Variants in GPR160 observed in about 807,000 individuals in gnomAD.
GPR160 encodes the protein G protein-coupled receptor 160.
In GPR160, 2 loss-of-function variants were observed where a neutral mutation model predicts 2.6. That is an observed-to-expected ratio of 0.77 (90% CI 0.32 to 2.44). The LOEUF is 2.44. GPR160 is among the 30% of genes most tolerant of loss of function. The pLI is 0.11. For missense variants in GPR160, 351 were observed against 383.6 expected (o/e 0.91, Z 0.71); for synonymous variants, 130 against 132.2 (o/e 0.98, Z 0.12).
chr3:170,059,737 A>G (rs1711835369), intron 2 of GPR160, among the ~76,000 whole-genome samples: 1 of 151,908 alleles, frequency 6.6e-6, no homozygotes, highest in South Asian at 2.1e-4. Context: ...GGTTTGTTAC[A>G]CAGGGAAACG....
At chr3:170,044,898 A>G (rs988546759) in intron 2 of GPR160, among the ~76,000 whole-genome samples, 1 of 152,154 alleles carries the variant, frequency 6.6e-6, no homozygotes, top group Non-Finnish European at 1.5e-5. Context: ...AGGCACCCGC[A>G]TAGTCCAGCC....
intron 2 of GPR160, chr3:170,076,979 C>G (rs573941898): frequency 6.6e-6 from 1 of 152,216 alleles, no homozygotes; most frequent in African/African-American, 2.4e-5. Flanking sequence ...CCAACACTTA[C>G]GAGTCATGGG....
intron 2 of GPR160, among the ~76,000 whole-genome samples, chr3:170,056,158 C>T (rs1361373158): frequency 1.3e-5 from 2 of 152,054 alleles, no homozygotes; most frequent in Non-Finnish European, 2.9e-5. Flanking sequence ...AATTCTGAAC[C>T]TTATACTTGT....
rs139963638 is a variant in GPR160 at position 170,060,910 on chromosome 3, A to G, written c.-192-18864A>G. Among the ~76,000 whole-genome samples the G allele has an allele frequency of 1.0e-3, 156 of 152,366 alleles. No homozygotes were observed. The East Asian group carries it at 0.028, about 27-fold the overall frequency. On this transcript the variant is annotated intron_variant, in intron 2 of 3. Coordinates refer to ENST00000355897, the MANE Select transcript of GPR160 (RefSeq NM_014373.3). ...ATAGTTTTCTTGCCAGAAATGTTTA[A>G]TATTGAGAAAACAATTAGACAAATC...
chr3:170,050,796 T>C (rs1447226428), intron 2 of GPR160, among the ~76,000 whole-genome samples: 4 of 152,242 alleles, frequency 2.6e-5, no homozygotes, highest in African/African-American at 9.6e-5. Context: ...TGTTCCTTTG[T>C]ATTGCTGAGT....
chr3:170,063,574 A>T (rs1712114568), intron 2 of GPR160, among the ~76,000 whole-genome samples: 2 of 137,974 alleles, frequency 1.4e-5, no homozygotes. Flanking sequence ...AAAAAAAAAA[A>T]CCTCAGCACA....
chr3:170,066,586 C>T (rs1394057345), intron 2 of GPR160, among the ~76,000 whole-genome samples: 1 of 152,166 alleles, frequency 6.6e-6, no homozygotes, highest in Non-Finnish European at 1.5e-5. Context: ...TAGTATTGCA[C>T]TGGATAGATG....
chr3:170,076,675 C>A (rs1049278618), intron 2 of GPR160, among the ~76,000 whole-genome samples: 2 of 152,034 alleles, frequency 1.3e-5, no homozygotes, highest in Non-Finnish European at 2.9e-5. Context: ...TCCTGAGTAG[C>A]TGGGATTACA....
Position 170,041,840 on chromosome 3 carries a change from AAAGAG to A in GPR160, c.-193+2800_-193+2804del, listed in dbSNP as rs1360871658. On this transcript the variant is annotated intron_variant, in intron 2 of 3. Transcript: ENST00000355897. Reference sequence around the variant, plus strand: ...CCTCTCTAGTTCCCTAAAAGCATGGAAAGAGAAAAGAAACTTGCCAGGCCCTTTAG... The same window carrying A: ...CCTCTCTAGTTCCCTAAAAGCATGGAAAAAGAAACTTGCCAGGCCCTTTAG... Among the ~76,000 whole-genome samples the A allele has an allele frequency of 2.0e-5, 3 of 152,306 alleles. No individual in the cohort carries two copies. In the East Asian group the frequency reaches 5.8e-4, roughly 29 times the overall value.
At position 170,063,552 on chromosome 3, in the gene GPR160, C is replaced by CAAAAA. The variant is rs528295183; in HGVS notation, c.-192-16204_-192-16200dup. Among the ~76,000 whole-genome samples the CAAAAA allele has an allele frequency of 6.5e-4, 51 of 78,926 alleles. No individual in the cohort carries two copies. In the East Asian group the frequency reaches 0.013, roughly 21 times the overall value. 51.8% of individuals were successfully genotyped at this position (78,926 alleles called of 152,430 possible). Reference sequence around the variant, plus strand: ...ATGTCTCAAAAACAAACAAAAAAAGCAAAAAAAAAAAAAAAAAAAAAACCT... The same window carrying CAAAAA: ...ATGTCTCAAAAACAAACAAAAAAAGCAAAAAAAAAAAAAAAAAAAAAAAAAAACCT... On this transcript the variant is annotated intron_variant, in intron 2 of 3. Transcript: ENST00000355897.
At chr3:170,053,681 A>T (rs1711508155) in intron 2 of GPR160, among the ~76,000 whole-genome samples, 1 of 152,202 alleles carries the variant, frequency 6.6e-6, no homozygotes, top group South Asian at 2.1e-4. Context: ...TTTTAGGGGT[A>T]AAGTGGTCAG....
chr3:170,082,839 C>T (rs1357249120), intron 3 of GPR160, among the ~76,000 whole-genome samples: 1 of 151,926 alleles, frequency 6.6e-6, no homozygotes, highest in Non-Finnish European at 1.5e-5. Context: ...AAGCCATCCT[C>T]CTGCCTTGGC....
At chr3:170,040,414 C>T (rs1716397502) in intron 2 of GPR160, among the ~76,000 whole-genome samples, 1 of 152,168 alleles carries the variant, frequency 6.6e-6, no homozygotes, top group South Asian at 2.1e-4. Flanking sequence ...CAGACTCGGT[C>T]ATAAAAAGTT....
intron 2 of GPR160, among the ~76,000 whole-genome samples, chr3:170,049,330 T>G (rs879552024): frequency 6.6e-6 from 1 of 152,244 alleles, no homozygotes; most frequent in Non-Finnish European, 1.5e-5. Context: ...TTCATTTGAC[T>G]CATTCCCTAT....
At chr3:170,065,928 CT>C (rs1044926119) in intron 2 of GPR160, among the ~76,000 whole-genome samples, 19 of 148,024 alleles carry the variant, frequency 1.3e-4, no homozygotes, top group East Asian at 5.9e-4. Flanking sequence ...CTGTCTTTAA[CT>C]TTTTTTTTTA....
At chr3:170,078,150 A>G (rs1435281316) in intron 2 of GPR160, among the ~76,000 whole-genome samples, 2 of 152,186 alleles carry the variant, frequency 1.3e-5, no homozygotes, top group Admixed American at 6.5e-5. Flanking sequence ...TAGTTCCCAG[A>G]AGAAGGCACG....
At position 170,085,043 on chromosome 3, in the gene GPR160, A is replaced by T. The variant is rs138076750; in HGVS notation, c.*54A>T. 1.1e-4 allele frequency: 113 copies of T among 990,358 alleles called. No homozygotes were observed. The African/African-American group carries it at 1.5e-3, about 13-fold the overall frequency. The allele number at this position is 990,358 out of a possible 1,614,324, so 61.3% of individuals were successfully genotyped here. A position where few individuals can be genotyped will look rare whatever the true frequency, so the allele number is the denominator to read the frequency against. ...TAAGATCATAATTTTATGAACAGAAAGAACTCAGGACATATTAAAAAATAA... is the reference window on the plus strand; with the variant it reads ...TAAGATCATAATTTTATGAACAGAATGAACTCAGGACATATTAAAAAATAA... On this transcript the variant is annotated 3_prime_UTR_variant, in exon 4 of 4. Transcript: ENST00000355897.
chr3:170,048,831 C>A (rs750370867), intron 2 of GPR160, among the ~76,000 whole-genome samples: 1 of 152,210 alleles, frequency 6.6e-6, no homozygotes, highest in Non-Finnish European at 1.5e-5. Flanking sequence ...CGTGGCCTGT[C>A]GGCTGGCAGC....
In GPR160 at chr3:170,084,743, A is replaced by AT; in HGVS notation, c.771_772insT (p.Leu258SerfsTer9). The AT allele has an allele frequency of 6.2e-7, 1 of 1,610,180 alleles. No individual in the cohort carries two copies. Among genetic ancestry groups the AT allele is most frequent in the Non-Finnish European group, 8.5e-7 (1 of 1,176,826 alleles). On this transcript the variant is annotated frameshift_variant, in exon 4 of 4. Coordinates refer to ENST00000355897, the MANE Select transcript of GPR160 (RefSeq NM_014373.3). LOFTEE classifies it high-confidence loss of function. The stretch of plus-strand genomic sequence containing the variant: ...TCAGTACCTGGTTACCATTTGTACT[A>AT]CTTCAGGTAATCATTGTTTTACTTA...
Sources: gnomAD v4.1 joint callset for allele counts (sites outside exome capture counted in the v4.1 genomes callset) on GRCh38, gnomAD v4.1.1 for gene constraint, MANE v1.5 for transcripts, NCBI Gene and HGNC (gene_info 2026-07-23, HGNC 2026-07-21) for gene names.